Variants in GRAMD1A observed in about 807,000 individuals in gnomAD.
GRAMD1A encodes the protein protein Aster-A.
Under a neutral mutation model 92.0 loss-of-function variants are expected in GRAMD1A, and 50 were observed. The observed-to-expected ratio is 0.54, with a 90% CI of 0.43 to 0.69. The LOEUF (loss-of-function observed/expected upper bound fraction) is 0.69, where lower values mean the gene tolerates loss of function less well. Among genes scored for constraint, GRAMD1A ranks in the 30% least tolerant of loss-of-function variants. GRAMD1A has a pLI of 0.00. For missense variants in GRAMD1A, 819 were observed against 978.9 expected, an observed-to-expected ratio of 0.84 and a Z score of 2.18; for synonymous variants, 405 against 403.6, an observed-to-expected ratio of 1.00 and a Z score of -0.04.
intron 1 of GRAMD1A, among the ~76,000 whole-genome samples, chr19:35,007,800 G>A (rs2014936877): frequency 6.6e-6 from 1 of 152,122 alleles, no homozygotes; most frequent in Non-Finnish European, 1.5e-5. Flanking sequence ...TTAAGCCCGG[G>A]AGCTCGAGGC....
chr19:35,009,068 TC>T, intron 1 of GRAMD1A, 50 bp from the exon 2 acceptor site: 1 of 1,267,832 alleles, frequency 7.9e-7, no homozygotes, highest in South Asian at 1.2e-5. Flanking sequence ...TGTCCCCGAA[TC>T]CCAGCCTGTT....
chr19:35,021,932 C>T lies in GRAMD1A; in HGVS notation c.1754-19C>T, dbSNP rs946780646. On this transcript the variant is annotated intron_variant, in intron 15 of 19. Transcript: ENST00000317991. The surrounding 1 kb of genome is among the most constrained non-coding windows in gnomAD (Gnocchi z 5.3). ...GGGTCCTGGACTGGGCCATCTGACT[C>T]CAAGCTGCTCTCCTGCAGGCTCCCT... 20 of 1,613,340 alleles carry T rather than the reference C, an allele frequency of 1.2e-5. No homozygotes were observed. The highest frequency in any genetic ancestry group is 1.7e-5 in the Non-Finnish European group (20 of 1,179,652).
chr19:35,016,877 C>A (rs1340172274), intron 11 of GRAMD1A, among the ~76,000 whole-genome samples: 2 of 146,544 alleles, frequency 1.4e-5, no homozygotes, highest in Non-Finnish European at 3.0e-5. Context: ...TGCGCTCCAG[C>A]CTGGGCGACA....
At chr19:35,019,081 TG>T in intron 11 of GRAMD1A, 109 bp from the exon 12 acceptor site, 1 of 713,554 alleles carries the variant, frequency 1.4e-6, no homozygotes, top group Non-Finnish European at 2.5e-6. Context: ...AGAGGAGTGG[TG>T]GGGATTGGGA....
chr19:35,019,359 T>A, intron 12 of GRAMD1A, 32 bp from the exon 13 acceptor site: 1 of 1,612,980 alleles, frequency 6.2e-7, no homozygotes, highest in Non-Finnish European at 8.5e-7. Flanking sequence ...GTGAGTGGGG[T>A]GGCCCTGACT....
chr19:34,996,423 C>T (rs1450979329), upstream of GRAMD1A: 33 of 662,204 alleles, frequency 5.0e-5, 1 homozygote, highest in South Asian at 2.3e-4. Context: ...CTCAAAGCCA[C>T]GAAACAGATG....
rs1465986318 is a variant in GRAMD1A, at chr19:35,009,143, C to T, written c.33C>T (p.Ser11=). Residue 11 remains serine (S), a synonymous_variant, in exon 2 of 20, where the codon AGC becomes AGT. Transcript: ENST00000317991. ...GCACCACACCCCACTCTGGCCGGAG[C>T]ACGCCAAGCAGCTCCCCATCGCTCC... MFDTTPHSGR[S]TPSSSPSLRK... is the part of the protein sequence containing the mutation. The T allele has an allele frequency of 1.2e-5, 20 of 1,613,710 alleles. No homozygotes were observed. The highest frequency in any genetic ancestry group is 1.7e-5 in the Admixed American group (1 of 60,022).
At chr19:35,009,633 T>C in intron 3 of GRAMD1A, 190 bp downstream of exon 3, 1 of 674,010 alleles carries the variant, frequency 1.5e-6, no homozygotes, top group South Asian at 1.7e-5. Flanking sequence ...GGCCTCTCTC[T>C]GTCCTTGAGA....
rs1279682676 is a variant in GRAMD1A at position 35,011,372 on chromosome 19, C to A, written c.526-102C>A. On this transcript the variant is annotated intron_variant, in intron 6 of 19. Coordinates refer to ENST00000317991, the MANE Select transcript of GRAMD1A (RefSeq NM_020895.5). ...GGGGTGAATTAGTGGATTCATGGGG[C>A]CAAAGATGTGGCGTCAGCGCAGATG... The A allele has an allele frequency of 9.3e-6, 8 of 857,020 alleles. No individual in the cohort carries two copies. The South Asian group carries it at 1.1e-4, about 11-fold the overall frequency. The allele number at this position is 857,020 out of a possible 1,614,324, so 53.1% of individuals were successfully genotyped here.
upstream of GRAMD1A, among the ~76,000 whole-genome samples, chr19:34,995,582 T>C (rs1275350843): frequency 1.4e-5 from 2 of 143,164 alleles, no homozygotes; most frequent in East Asian, 4.0e-4. Flanking sequence ...TTTTTTTTTT[T>C]TTTTTTTTTT....
upstream of GRAMD1A, among the ~76,000 whole-genome samples, chr19:34,999,115 C>T (rs998188879): frequency 5.3e-5 from 8 of 152,034 alleles, no homozygotes; most frequent in African/African-American, 1.4e-4. Flanking sequence ...GGGATGGGAG[C>T]AGGGAGATCA....
rs758839060 is a variant in GRAMD1A, at chr19:35,021,566, A to G, written c.1540A>G (p.Asn514Asp). 1.6e-5 allele frequency: 26 copies of G among 1,613,992 alleles called. No individual in the cohort carries two copies. Among genetic ancestry groups the G allele is most frequent in the African/African-American group, 4.0e-5 (3 of 74,930 alleles). The change falls in exon 14 of 20, where the codon AAC becomes GAC. Residue 514 changes from asparagine to aspartate, a missense_variant. Coordinates refer to ENST00000317991, the MANE Select transcript of GRAMD1A (RefSeq NM_020895.5). The surrounding 1 kb of genome is among the most constrained non-coding windows in gnomAD (Gnocchi z 5.3). ...CCTGGTGAAGTCGCTCATTGAGAAG[A>G]ACTCGTGGAGCGGCATTGAAGACTA... ...WSLVKSLIEK[N>D]SWSGIEDYFH...
In GRAMD1A at chr19:35,026,132, C is replaced by T; in HGVS notation, c.2166C>T (p.Ser722=). The T allele has an allele frequency of 6.4e-7, 1 of 1,561,004 alleles. No homozygotes were observed. The highest frequency in any genetic ancestry group is 8.8e-7 in the Non-Finnish European group (1 of 1,131,640). The change falls in exon 20 of 20, where the codon AGC becomes AGT. Residue 722 remains serine, a synonymous_variant. Transcript: ENST00000317991. ...PFDTQPRPDD[S]FS The stretch of plus-strand genomic sequence containing the variant: ...ACACCCAGCCCCGGCCCGATGACAG[C>T]TTTTCCTGAGGACCCCGGCCACGCA...
intron 1 of GRAMD1A, among the ~76,000 whole-genome samples, chr19:35,001,660 T>A (rs1307371869): frequency 6.6e-6 from 1 of 151,694 alleles, no homozygotes; most frequent in African/African-American, 2.4e-5. Context: ...CAGGCTAGAG[T>A]GCAGTGGCAC....
rs2015403758 is a variant in GRAMD1A at position 35,013,563 on chromosome 19, G to A, written c.742G>A (p.Val248Met). 6.2e-7 allele frequency: 1 copy of A among 1,609,632 alleles called. No individual in the cohort carries two copies. The highest frequency in any genetic ancestry group is 1.3e-5 in the African/African-American group (1 of 74,998). ...GLGTPKEVGDVIALSDITSSG... is the reference protein window; with the variant it reads ...GLGTPKEVGDMIALSDITSSG... The stretch of plus-strand genomic sequence containing the variant: ...CAGGACCCCCAAGGAAGTGGGAGAT[G>A]TGATCGCCCTGAGCGACATCACCTC... The change falls in exon 9 of 20, where the codon GTG becomes ATG. Residue 248 changes from valine (V) to methionine (M), a missense_variant. Transcript: ENST00000317991. This position sits in a 1 kb window ranked among gnomAD's most constrained non-coding sequence, Gnocchi z 4.9.
intron 19 of GRAMD1A, 33 bp downstream of exon 19, chr19:35,023,580 T>C: frequency 6.5e-7 from 1 of 1,543,784 alleles, no homozygotes; most frequent in East Asian, 2.3e-5. Context: ...GGCTCGGGGC[T>C]GCGGGGCTGC....
rs773911709 is a variant in GRAMD1A, at chr19:35,013,491, G to A, written c.720-50G>A. ...TGACGTCTGGAGGATTCAGGAGGGT[G>A]TATGGGGTCTCAAGGACACAGCAGT... On this transcript the variant is annotated intron_variant, in intron 8 of 19. Transcript: ENST00000317991. This position sits in a 1 kb window ranked among gnomAD's most constrained non-coding sequence, Gnocchi z 4.9. The A allele has an allele frequency of 1.4e-5, 22 of 1,574,848 alleles. No homozygotes were observed. Among genetic ancestry groups the A allele is most frequent in the Non-Finnish European group, 1.9e-5 (22 of 1,152,562 alleles).
rs1397571734 is a variant in GRAMD1A, at chr19:35,021,928, G to T, written c.1754-23G>T. On this transcript the variant is annotated intron_variant, in intron 15 of 19. Coordinates refer to ENST00000317991, the MANE Select transcript of GRAMD1A (RefSeq NM_020895.5). The surrounding 1 kb of genome is among the most constrained non-coding windows in gnomAD (Gnocchi z 5.3). The stretch of plus-strand genomic sequence containing the variant: ...TCGGGGGTCCTGGACTGGGCCATCT[G>T]ACTCCAAGCTGCTCTCCTGCAGGCT... 1 of 1,613,322 alleles carries T rather than the reference G, an allele frequency of 6.2e-7. No homozygotes were observed. The highest frequency in any genetic ancestry group is 2.2e-5 in the East Asian group (1 of 44,864).
intron 17 of GRAMD1A, 46 bp downstream of exon 17, chr19:35,022,957 C>G: frequency 7.1e-7 from 1 of 1,407,648 alleles, no homozygotes; most frequent in South Asian, 1.2e-5. Context: ...CTGCACCCCA[C>G]CCCTGCTGCA....
Sources: gnomAD v4.1 joint callset for allele counts (sites outside exome capture counted in the v4.1 genomes callset) on GRCh38, gnomAD v4.1.1 for gene constraint, Gnocchi (gnomAD v3.1) non-coding constraint, MANE v1.5 for transcripts, NCBI Gene and HGNC (gene_info 2026-07-23, HGNC 2026-07-21) for gene names.